The following IL1RAPL1 variants were observed in gnomAD, a reference collection of about 807,000 sequenced individuals.
The protein encoded by IL1RAPL1 is interleukin-1 receptor accessory protein-like 1.
IL1RAPL1 carries 3 observed loss-of-function variants against 48.4 expected under a neutral mutation model. The ratio of observed to expected loss-of-function variants is 0.06; its 90% CI spans 0.03 to 0.16. IL1RAPL1 has a LOEUF of 0.16. Ranked by LOEUF, IL1RAPL1 falls within the 10% of genes least tolerant of loss-of-function variation. The pLI is 1.00. For missense variants in IL1RAPL1, 349 were observed against 530.6 expected, an observed-to-expected ratio of 0.66 and a Z score of 3.36; for synonymous variants, 185 against 187.7, an observed-to-expected ratio of 0.99 and a Z score of 0.12.
intron 5 of IL1RAPL1, among the ~76,000 whole-genome samples, chrX:29,443,337 CAG>C (rs1190740839): frequency 1.8e-5 from 2 of 110,321 alleles, no homozygotes; most frequent in Admixed American, 1.9e-4. Context: ...ATTCAGTACT[CAG>C]TAGTTTTTTC....
chrX:29,482,865 C>G (rs186452739), intron 5 of IL1RAPL1, among the ~76,000 whole-genome samples: 1 of 111,820 alleles, frequency 8.9e-6, no homozygotes, highest in African/African-American at 3.2e-5. Flanking sequence ...TTTATTCCAT[C>G]GATTCTGATA....
intron 1 of IL1RAPL1, among the ~76,000 whole-genome samples, chrX:28,662,800 T>C (rs182584827): frequency 1.7e-3 from 187 of 111,565 alleles, no homozygotes; most frequent in African/African-American, 5.7e-3. Context: ...CATTCCATGA[T>C]CACCTATTAT....
chrX:28,990,188 A>G (rs147352106), intron 2 of IL1RAPL1, among the ~76,000 whole-genome samples: 2 of 111,953 alleles, frequency 1.8e-5, no homozygotes, highest in African/African-American at 6.5e-5. Context: ...TTGAACAGTT[A>G]CTTCATTCCT....
At chrX:29,245,000 C>A (rs1017950384) in intron 2 of IL1RAPL1, among the ~76,000 whole-genome samples, 15 of 109,216 alleles carry the variant, frequency 1.4e-4, no homozygotes, top group African/African-American at 4.7e-4. Context: ...ACTTCACCTC[C>A]CACTTATGAG....
chrX:29,163,868 A>G (rs980240598), intron 2 of IL1RAPL1, among the ~76,000 whole-genome samples: 9 of 111,882 alleles, frequency 8.0e-5, no homozygotes, highest in African/African-American at 2.6e-4. Context: ...ATCACAAAAT[A>G]AAACTGGCTT....
chrX:28,638,498 A>T lies in IL1RAPL1; in HGVS notation c.-25+50451A>T, dbSNP rs77006355. Among the ~76,000 whole-genome samples, 4 of 110,099 alleles carry T rather than the reference A, an allele frequency of 3.6e-5. No homozygotes were observed. In the East Asian group the frequency reaches 8.6e-4, roughly 24 times the overall value. ...ATTAGGTTCCTCTGTAATTCTATTG[A>T]CTGAAAATTCACTGCTGTGGAAATA... On this transcript the variant is annotated intron_variant, in intron 1 of 10. Transcript: ENST00000378993.
In IL1RAPL1 at chrX:29,168,963, A is replaced by ATT. The variant is rs1314571704; in HGVS notation, c.83-113974_83-113973dup. 8.8e-5 allele frequency among the ~76,000 whole-genome samples: 9 copies of ATT among 101,912 alleles called. No homozygotes were observed. In the East Asian group the frequency reaches 1.8e-3, roughly 21 times the overall value. The allele number at this position is 101,912 out of a possible 115,157, so 88.5% of individuals were successfully genotyped here. On this transcript the variant is annotated intron_variant, in intron 2 of 10. Coordinates refer to ENST00000378993, the MANE Select transcript of IL1RAPL1 (RefSeq NM_014271.4). ...TATTCATATGTACAATTGTATATATATTCATATGTACAATTGTATATATAT... is the reference window on the plus strand; with the variant it reads ...TATTCATATGTACAATTGTATATATATTTTCATATGTACAATTGTATATATAT...
chrX:29,381,836 ATATAT>A (rs1569299184), intron 3 of IL1RAPL1, among the ~76,000 whole-genome samples: 3 of 27,754 alleles, frequency 1.1e-4, no homozygotes, highest in African/African-American at 2.8e-4. Context: ...AAAAAAAAAT[ATATAT>A]ATATATATAT....
chrX:29,950,248 T>G (rs1933288170), intron 9 of IL1RAPL1, among the ~76,000 whole-genome samples: 1 of 112,551 alleles, frequency 8.9e-6, no homozygotes, highest in African/African-American at 3.2e-5. Flanking sequence ...ATTAATATGG[T>G]TATTTCATAT....
intron 2 of IL1RAPL1, among the ~76,000 whole-genome samples, chrX:29,044,752 G>T (rs1215704879): frequency 5.4e-5 from 6 of 110,790 alleles, no homozygotes; most frequent in Non-Finnish European, 7.6e-5. Context: ...TTAAAAATGG[G>T]GCAATGAAAA....
intron 5 of IL1RAPL1, among the ~76,000 whole-genome samples, chrX:29,539,099 G>T (rs772248469): frequency 4.5e-5 from 5 of 111,289 alleles, no homozygotes; most frequent in African/African-American, 1.6e-4. Flanking sequence ...AGGACACAAT[G>T]AATAAAACAC....
chrX:29,477,793 G>T (rs1027248573), intron 5 of IL1RAPL1, among the ~76,000 whole-genome samples: 2 of 111,841 alleles, frequency 1.8e-5, no homozygotes, highest in Non-Finnish European at 3.8e-5. Context: ...AAGTTCCTAT[G>T]CCATGTTGCT....
chrX:28,816,634 A>G (rs781650364), intron 2 of IL1RAPL1, among the ~76,000 whole-genome samples: 3 of 110,979 alleles, frequency 2.7e-5, no homozygotes, highest in South Asian at 7.6e-4. Flanking sequence ...TCTTTATCCA[A>G]TCCACCATTG....
At chrX:28,720,719 T>G (rs769011668) in intron 1 of IL1RAPL1, among the ~76,000 whole-genome samples, 1 of 111,695 alleles carries the variant, frequency 9.0e-6, no homozygotes, top group Non-Finnish European at 1.9e-5. Flanking sequence ...TCATTTACAT[T>G]AGGTATATCT....
rs764746644 is a variant in IL1RAPL1 at position 28,743,462 on chromosome X, C to G, written c.-24-45858C>G. Among the ~76,000 whole-genome samples, 12 of 111,248 alleles carry G rather than the reference C, an allele frequency of 1.1e-4. No homozygotes were observed. The East Asian group carries it at 3.4e-3, about 32-fold the overall frequency. ...CCCTATGTCTTACTAGTTACAAGACCTTTCTTCTTATTCACTTCTCTGTGA... is the reference window on the plus strand; with the variant it reads ...CCCTATGTCTTACTAGTTACAAGACGTTTCTTCTTATTCACTTCTCTGTGA... On this transcript the variant is annotated intron_variant, in intron 1 of 10. Transcript: ENST00000378993.
At chrX:28,881,951 C>T (rs780695289) in intron 2 of IL1RAPL1, among the ~76,000 whole-genome samples, 27 of 109,614 alleles carry the variant, frequency 2.5e-4, no homozygotes, top group Admixed American at 2.4e-3. Context: ...GAGAGATGGA[C>T]GGACAGAGAG....
At chrX:29,740,307 C>T (rs1338703927) in intron 6 of IL1RAPL1, among the ~76,000 whole-genome samples, 1 of 110,864 alleles carries the variant, frequency 9.0e-6, no homozygotes, top group Admixed American at 9.6e-5. Flanking sequence ...ACTCTTAAAT[C>T]AGATTCTATG....
At chrX:29,774,604 C>CGTATAA (rs1929147538) in intron 6 of IL1RAPL1, among the ~76,000 whole-genome samples, 2 of 111,754 alleles carry the variant, frequency 1.8e-5, no homozygotes, top group African/African-American at 6.5e-5. Context: ...CGTAAAATTT[C>CGTATAA]TTCAATATAC....
chrX:29,885,699 G>C (rs1932145853), intron 6 of IL1RAPL1, among the ~76,000 whole-genome samples: 1 of 111,357 alleles, frequency 9.0e-6, no homozygotes, highest in Admixed American at 9.5e-5. Context: ...TGCACCCGTA[G>C]TCCGAGCTAC....
Sources: gnomAD v4.1 joint callset for allele counts (sites outside exome capture counted in the v4.1 genomes callset) on GRCh38, gnomAD v4.1.1 for gene constraint, MANE v1.5 for transcripts, NCBI Gene and HGNC (gene_info 2026-07-23, HGNC 2026-07-21) for gene names.